Variants in CCDC88C observed in about 807,000 individuals in gnomAD.
CCDC88C encodes the protein protein Daple.
CCDC88C carries 131 observed loss-of-function variants against 198.8 expected under a neutral mutation model. The ratio of observed to expected loss-of-function variants is 0.66; its 90% CI spans 0.57 to 0.76. The LOEUF (loss-of-function observed/expected upper bound fraction) is 0.76. CCDC88C is among the 30% of genes least tolerant of loss of function. CCDC88C has a pLI of 0.00. For synonymous variants in CCDC88C, 1,166 were observed against 1,114.7 expected, an observed-to-expected ratio of 1.05 and a Z score of -0.92; for missense variants, 2,553 against 2,631.6, an observed-to-expected ratio of 0.97 and a Z score of 0.65.
intron 3 of CCDC88C, among the ~76,000 whole-genome samples, chr14:91,386,954 A>G (rs1201772203): frequency 1.3e-5 from 2 of 152,228 alleles, no homozygotes; most frequent in Non-Finnish European, 2.9e-5. Flanking sequence ...AATTGTTAAT[A>G]TTTGTGTACT....
Position 91,376,020 on chromosome 14 carries a change from G to A in CCDC88C, c.271-16309C>T, listed in dbSNP as rs769226192. ...CCAGCCCCGCGAGTTCACAGGAGAA[G>A]AGGCTTGAACCCAGTCAGCCAACAG... On this transcript the variant is annotated intron_variant, in intron 3 of 29. Coordinates refer to ENST00000389857, the MANE Select transcript of CCDC88C (RefSeq NM_001080414.4). Among the ~76,000 whole-genome samples, 14 of 152,326 alleles carry A rather than the reference G, an allele frequency of 9.2e-5. No individual in the cohort carries two copies. In the Middle Eastern group the frequency reaches 0.014, roughly 148 times the overall value.
At chr14:91,327,656 G>A (rs529921223) in intron 10 of CCDC88C, among the ~76,000 whole-genome samples, 1 of 152,242 alleles carries the variant, frequency 6.6e-6, no homozygotes, top group Non-Finnish European at 1.5e-5. Context: ...AGGGGCTTGT[G>A]TGGGTGAGAG....
chr14:91,409,829 T>C (rs1886709012), intron 2 of CCDC88C, among the ~76,000 whole-genome samples: 2 of 152,324 alleles, frequency 1.3e-5, no homozygotes, highest in South Asian at 2.1e-4. Context: ...AAAATCATAA[T>C]GTTCCATTAA....
At chr14:91,404,722 G>A (rs1025366955) in intron 3 of CCDC88C, among the ~76,000 whole-genome samples, 1 of 152,124 alleles carries the variant, frequency 6.6e-6, no homozygotes, top group African/African-American at 2.4e-5. Context: ...CCAGCACTTT[G>A]GGAGGCTGAG....
At chr14:91,291,396 G>C (rs541335003) in intron 23 of CCDC88C, among the ~76,000 whole-genome samples, 3 of 152,208 alleles carry the variant, frequency 2.0e-5, no homozygotes, top group Admixed American at 6.5e-5. Flanking sequence ...TCTCCTTCCA[G>C]GTTGTTCAAG....
intron 26 of CCDC88C, 33 bp from the exon 27 acceptor site, chr14:91,281,558 T>TACGG: frequency 6.2e-7 from 1 of 1,600,660 alleles, no homozygotes; most frequent in Non-Finnish European, 8.6e-7. Flanking sequence ...GAGTCATGGT[T>TACGG]ACGGAACATG....
intron 2 of CCDC88C, among the ~76,000 whole-genome samples, chr14:91,410,125 C>T (rs1269409655): frequency 6.6e-6 from 1 of 152,184 alleles, no homozygotes; most frequent in Non-Finnish European, 1.5e-5. Context: ...CATCTATATA[C>T]AGGACATTTC....
chr14:91,298,399 T>C (rs1347883509), intron 21 of CCDC88C, among the ~76,000 whole-genome samples: 1 of 151,956 alleles, frequency 6.6e-6, no homozygotes, highest in African/African-American at 2.4e-5. Context: ...CCGGGCATAG[T>C]GACGCACACC....
intron 3 of CCDC88C, among the ~76,000 whole-genome samples, chr14:91,366,799 GTGAA>G (rs1894563887): frequency 6.6e-6 from 1 of 152,224 alleles, no homozygotes; most frequent in Non-Finnish European, 1.5e-5. Context: ...TATAAGCCCT[GTGAA>G]GACAGAGCCT....
Position 91,390,651 on chromosome 14 carries a change from A to C in CCDC88C, c.270+18008T>G, listed in dbSNP as rs187549412. 1.1e-4 allele frequency among the ~76,000 whole-genome samples: 17 copies of C among 152,334 alleles called. No individual in the cohort carries two copies. In the East Asian group the frequency reaches 3.3e-3, roughly 29 times the overall value. ...CACCTTCCCAGTGGCCAGTGGCCAT[A>C]CCAAAGTCGCCTTCCAGGTACACAT... On this transcript the variant is annotated intron_variant, in intron 3 of 29. Transcript: ENST00000389857.
intron 29 of CCDC88C, among the ~76,000 whole-genome samples, chr14:91,275,162 A>G (rs1171142033): frequency 6.6e-6 from 1 of 152,156 alleles, no homozygotes; most frequent in Admixed American, 6.5e-5. Flanking sequence ...TACCAGGCAG[A>G]CAGAGGGGGC....
At chr14:91,315,571 AC>A in intron 14 of CCDC88C, 78 bp downstream of exon 14, 1 of 1,503,060 alleles carries the variant, frequency 6.7e-7, no homozygotes, top group Non-Finnish European at 9.2e-7. Flanking sequence ...ACAATACAGT[AC>A]CAGGAATGGC....
Position 91,380,689 on chromosome 14 carries a change from T to C in CCDC88C, c.271-20978A>G, listed in dbSNP as rs1240159177. 3.3e-5 allele frequency among the ~76,000 whole-genome samples: 5 copies of C among 151,486 alleles called. No homozygotes were observed. In the South Asian group the frequency reaches 1.0e-3, roughly 32 times the overall value. The stretch of plus-strand genomic sequence containing the variant: ...ACCACAATTACATGCTCTGAAGTTG[T>C]TTTTTTTTCCCCTATGTGCCTCTTA... On this transcript the variant is annotated intron_variant, in intron 3 of 29. Coordinates refer to ENST00000389857, the MANE Select transcript of CCDC88C (RefSeq NM_001080414.4).
Position 91,307,107 on chromosome 14 carries a change from C to T in CCDC88C, c.3126G>A (p.Gly1042=), listed in dbSNP as rs770878000. 6.2e-7 allele frequency: 1 copy of T among 1,613,638 alleles called. No individual in the cohort carries two copies. The highest frequency in any genetic ancestry group is 2.2e-5 in the East Asian group (1 of 44,894). The change falls in exon 18 of 30, where the codon GGG becomes GGA. Residue 1042 remains glycine, a synonymous_variant. Transcript: ENST00000389857. The part of the protein sequence containing the change: ...AASHQGKEAW[G]PGHKEATMEL... Reference sequence around the variant, plus strand: ...CCATGGTGGCTTCCTTATGGCCGGGCCCCCAGGCCTCCTTCCCCTGGTGAC... The same window carrying T: ...CCATGGTGGCTTCCTTATGGCCGGGTCCCCAGGCCTCCTTCCCCTGGTGAC...
At chr14:91,389,104 C>T (rs1885323118) in intron 3 of CCDC88C, among the ~76,000 whole-genome samples, 1 of 152,172 alleles carries the variant, frequency 6.6e-6, no homozygotes, top group South Asian at 2.1e-4. Flanking sequence ...CACTCCTGTC[C>T]CCCACCTGAA....
At chr14:91,367,202 G>A (rs992842825) in intron 3 of CCDC88C, among the ~76,000 whole-genome samples, 10 of 152,110 alleles carry the variant, frequency 6.6e-5, no homozygotes, top group African/African-American at 2.4e-4. Flanking sequence ...ATGTGGCTAT[G>A]AATGGGAGCT....
intron 3 of CCDC88C, among the ~76,000 whole-genome samples, chr14:91,376,741 A>AC (rs1207559662): frequency 6.6e-6 from 1 of 151,994 alleles, no homozygotes; most frequent in East Asian, 1.9e-4. Flanking sequence ...GGGGCCACGC[A>AC]CCCCCAGGTA....
intron 10 of CCDC88C, among the ~76,000 whole-genome samples, chr14:91,330,554 G>A (rs913726635): frequency 3.9e-5 from 6 of 152,172 alleles, no homozygotes; most frequent in Non-Finnish European, 5.9e-5. Flanking sequence ...TTCAACACCC[G>A]CCTCCGGACA....
chr14:91,314,177 C>G (rs1891992214), intron 14 of CCDC88C, 27 bp from the exon 15 acceptor site: 1 of 1,565,782 alleles, frequency 6.4e-7, no homozygotes, highest in Admixed American at 1.8e-5. Context: ...CAGGCACAAC[C>G]CAGGCTGCTG....
Sources: allele counts gnomAD v4.1 joint callset (sites outside exome capture counted in the v4.1 genomes callset), GRCh38; gene constraint gnomAD v4.1.1; transcripts MANE v1.5; gene names NCBI Gene and HGNC (gene_info 2026-07-23, HGNC 2026-07-21).